The following SH3KBP1 variants were observed in gnomAD, a reference collection of about 807,000 sequenced individuals.
SH3KBP1 encodes SH3 domain-containing kinase-binding protein 1.
In SH3KBP1, 8 loss-of-function variants were observed where a neutral mutation model predicts 50.1. That is an observed-to-expected ratio of 0.16 (90% confidence interval 0.09 to 0.29). The LOEUF (loss-of-function observed/expected upper bound fraction) is 0.29. Among genes scored for constraint, SH3KBP1 ranks in the 10% least tolerant of loss-of-function variants. The pLI, the probability that SH3KBP1 is intolerant of heterozygous loss-of-function variation, is 1.00. For synonymous variants in SH3KBP1, 227 were observed against 218.6 expected, an observed-to-expected ratio of 1.04 and a Z score of -0.34; for missense variants, 377 against 535.2, an observed-to-expected ratio of 0.70 and a Z score of 2.92.
At chrX:19,564,555 CCTCT>C (rs763674493) in intron 13 of SH3KBP1, among the ~76,000 whole-genome samples, 1 of 108,387 alleles carries the variant, frequency 9.2e-6, no homozygotes, top group African/African-American at 3.3e-5. Context: ...TCTTCTCTCG[CCTCT>C]CTCTCTCTCT....
intron 1 of SH3KBP1, among the ~76,000 whole-genome samples, chrX:19,845,178 C>A (rs1261215299): frequency 9.3e-6 from 1 of 108,098 alleles, no homozygotes; most frequent in Non-Finnish European, 1.9e-5. Context: ...GGGCAGGTGA[C>A]TTTGCAGGTT....
At chrX:19,579,807 C>T (rs1467114243) in intron 12 of SH3KBP1, among the ~76,000 whole-genome samples, 1 of 112,081 alleles carries the variant, frequency 8.9e-6, no homozygotes, top group Non-Finnish European at 1.9e-5. Flanking sequence ...TGCTGGCCTT[C>T]CCTGGGTCCT....
At chrX:19,713,489 T>C (rs1380404454) in intron 3 of SH3KBP1, among the ~76,000 whole-genome samples, 1 of 108,172 alleles carries the variant, frequency 9.2e-6, no homozygotes, top group African/African-American at 3.4e-5. Flanking sequence ...CTCGAACTCC[T>C]GGGCTCAAGT....
At chrX:19,688,188 C>T (rs1308953758) in intron 5 of SH3KBP1, among the ~76,000 whole-genome samples, 1 of 111,880 alleles carries the variant, frequency 8.9e-6, no homozygotes, top group Non-Finnish European at 1.9e-5. Context: ...TTCATGTCCC[C>T]AAGATTCTAA....
intron 2 of SH3KBP1, chrX:19,799,766 GTC>G (rs1394594020): frequency 8.5e-7 from 1 of 1,182,112 alleles, no homozygotes; most frequent in Non-Finnish European, 1.1e-6. Flanking sequence ...AGAACTGCAA[GTC>G]TCTCTGATTC....
At chrX:19,860,871 G>A (rs1025237879) in intron 1 of SH3KBP1, among the ~76,000 whole-genome samples, 3 of 111,545 alleles carry the variant, frequency 2.7e-5, no homozygotes, top group Non-Finnish European at 3.8e-5. Context: ...CTATAGTACA[G>A]TATTAGATAT....
At chrX:19,695,541 C>T in intron 5 of SH3KBP1, 71 bp downstream of exon 5, 2 of 1,157,875 alleles carry the variant, frequency 1.7e-6, no homozygotes, top group South Asian at 1.8e-5. Context: ...GGATACAGAA[C>T]AGAAGGGAGG....
chrX:19,752,051 G>T (rs1488586412), intron 2 of SH3KBP1, among the ~76,000 whole-genome samples: 2 of 112,260 alleles, frequency 1.8e-5, no homozygotes, highest in East Asian at 5.5e-4. Flanking sequence ...TAAATTAACT[G>T]GTCAGTCTGT....
intron 5 of SH3KBP1, among the ~76,000 whole-genome samples, chrX:19,690,061 T>TC (rs1491166561): frequency 4.7e-4 from 39 of 82,732 alleles, no homozygotes; most frequent in Admixed American, 1.4e-3. Context: ...TCTCTCTCTC[T>TC]TTTTTTTTTT....
intron 2 of SH3KBP1, among the ~76,000 whole-genome samples, chrX:19,822,819 G>T (rs1293989869): frequency 8.9e-6 from 1 of 111,771 alleles, no homozygotes; most frequent in African/African-American, 3.3e-5. Flanking sequence ...GCACATCCTG[G>T]GCTATTTTCG....
chrX:19,766,794 T>C (rs970096742), intron 2 of SH3KBP1, among the ~76,000 whole-genome samples: 6 of 110,922 alleles, frequency 5.4e-5, no homozygotes, highest in African/African-American at 1.3e-4. Flanking sequence ...CCTGGTCCGA[T>C]TGTATCTTTT....
rs559057700 is a variant in SH3KBP1, at chrX:19,778,583, A to G, written c.163-32142T>C. Among the ~76,000 whole-genome samples, 20 of 111,183 alleles carry G rather than the reference A, an allele frequency of 1.8e-4. No homozygotes were observed. In the South Asian group the frequency reaches 7.7e-3, roughly 43 times the overall value. ...TCCCGACCTCTTCACATACTTCCCA[A>G]GGATCTGAGAACTAGGAAGGCCAGT... On this transcript the variant is annotated intron_variant, in intron 2 of 17. Coordinates refer to ENST00000397821, the MANE Select transcript of SH3KBP1 (RefSeq NM_031892.3).
At chrX:19,597,025 T>C (rs756799757) in intron 9 of SH3KBP1, among the ~76,000 whole-genome samples, 1 of 112,022 alleles carries the variant, frequency 8.9e-6, no homozygotes, top group Admixed American at 9.5e-5. Flanking sequence ...GTATCTAGAA[T>C]GGTGAGCCCT....
chrX:19,652,391 C>G (rs898036947), intron 6 of SH3KBP1, among the ~76,000 whole-genome samples: 39 of 111,372 alleles, frequency 3.5e-4, no homozygotes, highest in Non-Finnish European at 6.8e-4. Context: ...CTCATATTAG[C>G]CTGCTCTCTC....
At chrX:19,873,873 A>G (rs2069145434) in intron 1 of SH3KBP1, among the ~76,000 whole-genome samples, 1 of 103,483 alleles carries the variant, frequency 9.7e-6, no homozygotes, top group Non-Finnish European at 2.0e-5. Flanking sequence ...ACACAATGAA[A>G]CCCTGTCCCT....
intron 3 of SH3KBP1, among the ~76,000 whole-genome samples, chrX:19,711,996 C>T (rs772554096): frequency 8.9e-6 from 1 of 111,807 alleles, no homozygotes; most frequent in African/African-American, 3.3e-5. Flanking sequence ...AGCAACAAAT[C>T]AGCACCACAA....
chrX:19,802,712 C>T (rs1359840582), intron 2 of SH3KBP1, among the ~76,000 whole-genome samples: 1 of 111,569 alleles, frequency 9.0e-6, no homozygotes, highest in Non-Finnish European at 1.9e-5. Context: ...AAATTCCTTC[C>T]TCTTCTGCCC....
chrX:19,544,486 G>C (rs777366184), intron 15 of SH3KBP1, among the ~76,000 whole-genome samples: 30 of 111,059 alleles, frequency 2.7e-4, no homozygotes, highest in Non-Finnish European at 5.3e-4. Context: ...CCAGCACTGT[G>C]ACTGTGGCTG....
intron 2 of SH3KBP1, among the ~76,000 whole-genome samples, chrX:19,790,582 A>C (rs1284344402): frequency 9.0e-6 from 1 of 111,598 alleles, no homozygotes; most frequent in Non-Finnish European, 1.9e-5. Flanking sequence ...CTGATCCAAG[A>C]TAATAAAACA....
Sources: gnomAD v4.1 joint callset for allele counts (sites outside exome capture counted in the v4.1 genomes callset) on GRCh38, gnomAD v4.1.1 for gene constraint, MANE v1.5 for transcripts, NCBI Gene and HGNC (gene_info 2026-07-23, HGNC 2026-07-21) for gene names.